TNFRSF1B: variants seen among roughly 807,000 people sequenced by gnomAD.
The protein encoded by TNFRSF1B is TNF receptor superfamily member 1B.
Under a neutral mutation model 44.6 loss-of-function variants are expected in TNFRSF1B, and 19 were observed. That is an observed-to-expected ratio of 0.43 (90% CI 0.30 to 0.62). TNFRSF1B has a LOEUF of 0.62. Ranked by LOEUF, TNFRSF1B falls within the 20% of genes least tolerant of loss-of-function variation. The pLI is 0.16. For synonymous variants in TNFRSF1B, 252 were observed against 261.1 expected (o/e 0.97, Z 0.34); for missense variants, 541 against 619.9 (o/e 0.87, Z 1.35).
intron 2 of TNFRSF1B, 119 bp downstream of exon 2, chr1:12,189,014 C>A: frequency 1.3e-6 from 1 of 792,010 alleles, no homozygotes; most frequent in Non-Finnish European, 1.9e-6. Flanking sequence ...TATGCACTGG[C>A]CCATGCTCCC....
rs766286313 is a variant in TNFRSF1B, at chr1:12,206,889, G to A, written c.1255G>A (p.Glu419Lys). 10 of 1,614,106 alleles carry A rather than the reference G, an allele frequency of 6.2e-6. No homozygotes were observed. Among genetic ancestry groups the A allele is most frequent in the South Asian group, 4.4e-5 (4 of 91,094 alleles). The change falls in exon 10 of 10, where the codon GAG (glutamate) becomes AAG (lysine). Residue 419 changes from glutamate to lysine, a missense_variant. Glu to Lys is a moderately conservative substitution (Grantham distance 56). Coordinates refer to ENST00000376259, the MANE Select transcript of TNFRSF1B (RefSeq NM_001066.3). ...DSSPSESPKD[E>K]QVPFSKEECA... ...CAGCCCCTCGGAGTCCCCGAAGGAC[G>A]AGCAGGTCCCCTTCTCCAAGGAGGA... is the stretch of plus-strand genomic sequence containing the variant.
At chr1:12,191,545 G>T (rs1371308441) in intron 3 of TNFRSF1B, among the ~76,000 whole-genome samples, 1 of 151,812 alleles carries the variant, frequency 6.6e-6, no homozygotes, top group Non-Finnish European at 1.5e-5. Context: ...TGCGGGGGAC[G>T]AGCAGGACTG....
intron 1 of TNFRSF1B, among the ~76,000 whole-genome samples, chr1:12,181,494 G>A (rs559301913): frequency 2.4e-4 from 37 of 152,236 alleles, no homozygotes; most frequent in African/African-American, 7.7e-4. Context: ...CAATGCCGAG[G>A]CTCAGAGAAA....
In TNFRSF1B at chr1:12,200,405, C is replaced by G. The variant is rs541878237; in HGVS notation, c.901-1562C>G. Among the ~76,000 whole-genome samples, 8 of 151,874 alleles carry G rather than the reference C, an allele frequency of 5.3e-5. No individual in the cohort carries two copies. In the South Asian group the frequency reaches 1.7e-3, roughly 32 times the overall value. On this transcript the variant is annotated intron_variant, in intron 8 of 9. Transcript: ENST00000376259. ...CTCTGCCCCGGAATGATTGACTGAGCGCAAAGGTCTGCACGCTTTCTCTGT... is the reference window on the plus strand; with the variant it reads ...CTCTGCCCCGGAATGATTGACTGAGGGCAAAGGTCTGCACGCTTTCTCTGT...
intron 1 of TNFRSF1B, among the ~76,000 whole-genome samples, chr1:12,181,519 C>A (rs994298212): frequency 6.6e-6 from 1 of 152,146 alleles, no homozygotes; most frequent in Non-Finnish European, 1.5e-5. Flanking sequence ...ATGACACCCC[C>A]AAATCCCCCG....
At chr1:12,194,171 G>A (rs1639214583) in intron 7 of TNFRSF1B, 139 bp downstream of exon 7, 2 of 690,386 alleles carry the variant, frequency 2.9e-6, no homozygotes, top group Non-Finnish European at 5.1e-6. Context: ...AGGAGCTTAA[G>A]GCCTGGGGTG....
At chr1:12,196,694 C>T (rs536440192) in intron 8 of TNFRSF1B, among the ~76,000 whole-genome samples, 1 of 152,362 alleles carries the variant, frequency 6.6e-6, no homozygotes, top group Admixed American at 6.5e-5. Flanking sequence ...CCCTGCCCTA[C>T]AGTATTTCAG....
At chr1:12,198,625 CAGGGCTGGGCCAGG>C (rs2101119103) in intron 8 of TNFRSF1B, among the ~76,000 whole-genome samples, 1 of 150,436 alleles carries the variant, frequency 6.6e-6, no homozygotes, top group South Asian at 2.1e-4. Context: ...TTCTGCCCAG[CAGGGCTGGGCCAGG>C]AGGGGCCGGG....
intron 8 of TNFRSF1B, among the ~76,000 whole-genome samples, chr1:12,198,925 C>T (rs563391013): frequency 3.3e-5 from 5 of 152,106 alleles, no homozygotes; most frequent in African/African-American, 9.6e-5. Context: ...CTCCTGACCT[C>T]GTGATTCGGT....
At chr1:12,167,986 C>A (rs937863612) in intron 1 of TNFRSF1B, among the ~76,000 whole-genome samples, 7 of 152,204 alleles carry the variant, frequency 4.6e-5, no homozygotes, top group African/African-American at 1.7e-4. Flanking sequence ...TTGACTGTCT[C>A]CTGGTCTGGT....
chr1:12,198,444 A>T (rs537048412), intron 8 of TNFRSF1B, among the ~76,000 whole-genome samples: 9 of 152,022 alleles, frequency 5.9e-5, no homozygotes, highest in African/African-American at 2.2e-4. Flanking sequence ...CAGCGCACAC[A>T]CTCACTACGT....
chr1:12,208,389 T>C lies in TNFRSF1B; in HGVS notation c.*1369T>C, dbSNP rs1236391504. 6.5e-6 allele frequency: 1 copy of C among 152,830 alleles called. No individual in the cohort carries two copies. Among genetic ancestry groups the C allele is most frequent in the Non-Finnish European group, 1.5e-5 (1 of 68,134 alleles). 9.5% of individuals were successfully genotyped at this position (152,830 alleles called of 1,614,324 possible). On this transcript the variant is annotated 3_prime_UTR_variant, in exon 10 of 10. Coordinates refer to ENST00000376259, the MANE Select transcript of TNFRSF1B (RefSeq NM_001066.3). ...CGGGCTGCCCTGCCACTTTGGTACA[T>C]GGCCAGTGTGATCCCAAGTGCCAGT... is the stretch of plus-strand genomic sequence containing the variant.
Position 12,195,275 on chromosome 1 carries a change from A to G in TNFRSF1B, c.900+657A>G, listed in dbSNP as rs144901831. 7.2e-5 allele frequency among the ~76,000 whole-genome samples: 11 copies of G among 152,354 alleles called. No homozygotes were observed. In the East Asian group the frequency reaches 2.1e-3, roughly 29 times the overall value. On this transcript the variant is annotated intron_variant, in intron 8 of 9. Coordinates refer to ENST00000376259, the MANE Select transcript of TNFRSF1B (RefSeq NM_001066.3). ...TTCATTCATTCTCCATCAGGAAGGC[A>G]TTTGGCTGCAAGTAACCCCAAACCT...
rs1638480763 is a variant in TNFRSF1B at position 12,169,782 on chromosome 1, G to GT, written c.78+2614dup. 6.6e-6 allele frequency among the ~76,000 whole-genome samples: 1 copy of GT among 152,274 alleles called. No individual in the cohort carries two copies. Among genetic ancestry groups the GT allele is most frequent in the African/African-American group, 2.4e-5 (1 of 41,472 alleles). The stretch of plus-strand genomic sequence containing the variant: ...GAAATGCCAGTAAACCTGGCAGTAG[G>GT]TGAGTGCTTGGTGCCCTCTGATGGG... On this transcript the variant is annotated intron_variant, in intron 1 of 9. Coordinates refer to ENST00000376259, the MANE Select transcript of TNFRSF1B (RefSeq NM_001066.3). This position sits in a 1 kb window ranked among gnomAD's most constrained non-coding sequence, Gnocchi z 4.5.
chr1:12,172,610 T>C (rs1443229427), intron 1 of TNFRSF1B, among the ~76,000 whole-genome samples: 3 of 152,210 alleles, frequency 2.0e-5, no homozygotes, highest in Non-Finnish European at 4.4e-5. Flanking sequence ...TGCCCAGAGT[T>C]CCTGTCTAAG....
intron 7 of TNFRSF1B, 67 bp from the exon 8 acceptor site, chr1:12,194,517 C>T (rs1202515889): frequency 2.5e-6 from 4 of 1,595,658 alleles, no homozygotes; most frequent in Admixed American, 3.3e-5. Context: ...CCCCATACTG[C>T]CCTCCTACTT....
rs1279334157 is a variant in TNFRSF1B, at chr1:12,183,748, T to TCTATCTATCTATCTATCTAGCTAG, written c.79-5045_79-5044insTCTATCTATCTATCTAGCTAGCTA. On this transcript the variant is annotated intron_variant, in intron 1 of 9. Coordinates refer to ENST00000376259, the MANE Select transcript of TNFRSF1B (RefSeq NM_001066.3). ...ATCTATCTATCTATCTATCTATCTATCTAGCTAGCTAGCTAGCTAGCTATC... is the reference window on the plus strand; with the variant it reads ...ATCTATCTATCTATCTATCTATCTATCTATCTATCTATCTATCTAGCTAGCTAGCTAGCTAGCTAGCTAGCTATC... 1.2e-4 allele frequency among the ~76,000 whole-genome samples: 14 copies of TCTATCTATCTATCTATCTAGCTAG among 117,024 alleles called. 1 individual carries two copies. The highest frequency in any genetic ancestry group is 3.0e-4 in the South Asian group (1 of 3,308). The allele number at this position is 117,024 out of a possible 152,430, so 76.8% of individuals were successfully genotyped here.
chr1:12,205,082 G>C (rs35829345), intron 9 of TNFRSF1B, among the ~76,000 whole-genome samples: 1 of 152,192 alleles, frequency 6.6e-6, no homozygotes, highest in African/African-American at 2.4e-5. Flanking sequence ...AGGAGCTGGG[G>C]GCTCTGGAGA....
intron 8 of TNFRSF1B, among the ~76,000 whole-genome samples, chr1:12,200,822 T>A (rs1639375208): frequency 6.6e-6 from 1 of 152,192 alleles, no homozygotes; most frequent in Non-Finnish European, 1.5e-5. Flanking sequence ...GGTTTTGCCA[T>A]GTTGGTCAGG....
Sources: gnomAD v4.1 joint callset for allele counts (sites outside exome capture counted in the v4.1 genomes callset) on GRCh38, gnomAD v4.1.1 for gene constraint, Gnocchi (gnomAD v3.1) non-coding constraint, MANE v1.5 for transcripts, NCBI Gene and HGNC (gene_info 2026-07-23, HGNC 2026-07-21) for gene names.